SLC25A13: variants seen among roughly 807,000 people sequenced by gnomAD.
The protein encoded by SLC25A13 is electrogenic aspartate/glutamate antiporter SLC25A13, mitochondrial.
Under a neutral mutation model 85.5 loss-of-function variants are expected in SLC25A13, and 70 were observed. The ratio of observed to expected loss-of-function variants is 0.82; its 90% CI spans 0.68 to 1.00. SLC25A13 has a LOEUF of 1.00. SLC25A13 is among the 50% of genes least tolerant of loss of function. The pLI is 0.00. For synonymous variants in SLC25A13, 259 were observed against 288.7 expected, an observed-to-expected ratio of 0.90 and a Z score of 1.04; for missense variants, 765 against 819.8, an observed-to-expected ratio of 0.93 and a Z score of 0.82.
Position 96,146,536 on chromosome 7 carries a change from TAAA to T in SLC25A13, c.1452+17_1452+19del, listed in dbSNP as rs749506606. The stretch of plus-strand genomic sequence containing the variant: ...ATGAGAAAGTAATCAAATAAATGAC[TAAA>T]AAAAAAAAAAAGTTACCTTGTAGAT... On this transcript the variant is annotated intron_variant, in intron 14 of 17. Transcript: ENST00000265631. 1.8e-5 allele frequency: 25 copies of T among 1,386,022 alleles called. No individual in the cohort carries two copies. Among genetic ancestry groups the T allele is most frequent in the Non-Finnish European group, 2.2e-5 (22 of 1,004,564 alleles). 85.9% of individuals were successfully genotyped at this position (1,386,022 alleles called of 1,614,324 possible).
chr7:96,250,800 G>A (rs1444388974), intron 3 of SLC25A13, among the ~76,000 whole-genome samples: 1 of 146,548 alleles, frequency 6.8e-6, no homozygotes, highest in African/African-American at 2.5e-5. Flanking sequence ...AATGACAGCA[G>A]AGATTTTAAC....
At chr7:96,159,225 C>T (rs1352143669) in intron 13 of SLC25A13, among the ~76,000 whole-genome samples, 1 of 152,156 alleles carries the variant, frequency 6.6e-6, no homozygotes, top group African/African-American at 2.4e-5. Context: ...AACCTGAGTC[C>T]TCACAAACTG....
intron 11 of SLC25A13, among the ~76,000 whole-genome samples, chr7:96,180,174 G>A (rs747281872): frequency 6.8e-6 from 1 of 147,920 alleles, no homozygotes; most frequent in Non-Finnish European, 1.5e-5. Flanking sequence ...AAAAAATGTG[G>A]TTTTTTTTTT....
intron 5 of SLC25A13, among the ~76,000 whole-genome samples, chr7:96,202,206 A>G (rs1795283221): frequency 6.6e-6 from 1 of 152,192 alleles, no homozygotes; most frequent in Non-Finnish European, 1.5e-5. Flanking sequence ...TGATCTGAGG[A>G]CAAGGATCCT....
chr7:96,195,565 C>T (rs1483556933), intron 5 of SLC25A13, among the ~76,000 whole-genome samples: 1 of 152,062 alleles, frequency 6.6e-6, no homozygotes, highest in African/African-American at 2.4e-5. Context: ...AACCTGACTC[C>T]CTCCCCCTCC....
At chr7:96,153,943 A>G (rs1036848721) in intron 13 of SLC25A13, among the ~76,000 whole-genome samples, 1 of 152,256 alleles carries the variant, frequency 6.6e-6, no homozygotes, top group Admixed American at 6.5e-5. Context: ...AAAGGCACAT[A>G]AACATTTGAA....
intron 3 of SLC25A13, among the ~76,000 whole-genome samples, chr7:96,260,388 T>C (rs1797808312): frequency 6.6e-6 from 1 of 151,936 alleles, no homozygotes; most frequent in Non-Finnish European, 1.5e-5. Context: ...GATATTGCAA[T>C]TAAAACACAA....
intron 3 of SLC25A13, among the ~76,000 whole-genome samples, chr7:96,249,260 A>G (rs1797322660): frequency 6.6e-6 from 1 of 152,242 alleles, no homozygotes; most frequent in Non-Finnish European, 1.5e-5. Flanking sequence ...CTCTATTCCC[A>G]ATACAGATTA....
intron 1 of SLC25A13, among the ~76,000 whole-genome samples, chr7:96,319,004 G>A (rs1800228548): frequency 6.6e-6 from 1 of 152,180 alleles, no homozygotes; most frequent in Non-Finnish European, 1.5e-5. Context: ...GAAAAAGCAA[G>A]GAGCACAGCC....
intron 11 of SLC25A13, among the ~76,000 whole-genome samples, chr7:96,177,026 G>T (rs1794248306): frequency 6.6e-6 from 1 of 152,096 alleles, no homozygotes; most frequent in Non-Finnish European, 1.5e-5. Context: ...ATAATTATAT[G>T]AATAAGTGTA....
intron 1 of SLC25A13, among the ~76,000 whole-genome samples, chr7:96,303,561 G>T (rs1208981971): frequency 1.3e-5 from 2 of 152,144 alleles, no homozygotes; most frequent in African/African-American, 4.8e-5. Flanking sequence ...GACACTAGAA[G>T]GCTGAAACTA....
intron 5 of SLC25A13, among the ~76,000 whole-genome samples, chr7:96,200,892 T>C (rs1211930355): frequency 6.6e-6 from 1 of 152,188 alleles, no homozygotes; most frequent in Non-Finnish European, 1.5e-5. Flanking sequence ...CTGATTTTCT[T>C]TGCCCAGAGA....
At position 96,238,997 on chromosome 7, in the gene SLC25A13, G is replaced by T. The variant is rs1057069148; in HGVS notation, c.213-4080C>A. Among the ~76,000 whole-genome samples, 6 of 141,864 alleles carry T rather than the reference G, an allele frequency of 4.2e-5. No homozygotes were observed. In the Admixed American group the frequency reaches 4.3e-4, roughly 10 times the overall value. The allele number at this position is 141,864 out of a possible 152,430, so 93.1% of individuals were successfully genotyped here. ...ATATGCAAAGCTTATAATATATAAA[G>T]ACATATATATAATATATATTATATA... On this transcript the variant is annotated intron_variant, in intron 3 of 17. Transcript: ENST00000265631.
At chr7:96,146,154 A>G (rs544442417) in intron 14 of SLC25A13, among the ~76,000 whole-genome samples, 1 of 152,224 alleles carries the variant, frequency 6.6e-6, no homozygotes, top group African/African-American at 2.4e-5. Flanking sequence ...AATTAAGACA[A>G]GGCATACATA....
At chr7:96,253,460 C>T (rs574646041) in intron 3 of SLC25A13, among the ~76,000 whole-genome samples, 2 of 152,280 alleles carry the variant, frequency 1.3e-5, no homozygotes, top group East Asian at 3.9e-4. Flanking sequence ...GATGAGAAAA[C>T]AGGCTCACAT....
chr7:96,133,360 C>T (rs1792117799), intron 14 of SLC25A13, among the ~76,000 whole-genome samples: 1 of 152,222 alleles, frequency 6.6e-6, no homozygotes, highest in East Asian at 1.9e-4. Context: ...TCATTTTAGG[C>T]ACGTACAAAC....
At chr7:96,263,082 A>G (rs973345761) in intron 3 of SLC25A13, among the ~76,000 whole-genome samples, 1 of 151,954 alleles carries the variant, frequency 6.6e-6, no homozygotes, top group Non-Finnish European at 1.5e-5. Context: ...TTTTATTTTA[A>G]AAGTTCTTTA....
chr7:96,234,676 T>G, intron 4 of SLC25A13, 126 bp downstream of exon 4: 3 of 693,422 alleles, frequency 4.3e-6, no homozygotes, highest in Admixed American at 2.7e-5. Context: ...GTATCTTTAC[T>G]AAAAGGGATA....
intron 1 of SLC25A13, among the ~76,000 whole-genome samples, chr7:96,313,376 T>C (rs184116218): frequency 2.8e-4 from 42 of 152,300 alleles, no homozygotes; most frequent in Admixed American, 1.8e-3. Context: ...TGCCCATCAA[T>C]GGTGAATTGC....
Sources: gnomAD v4.1 joint callset for allele counts (sites outside exome capture counted in the v4.1 genomes callset) on GRCh38, gnomAD v4.1.1 for gene constraint, MANE v1.5 for transcripts, NCBI Gene and HGNC (gene_info 2026-07-23, HGNC 2026-07-21) for gene names.